Variants in PAH observed in about 807,000 individuals in gnomAD.
PAH encodes phenylalanine-4-hydroxylase.
A neutral mutation model predicts 62.0 loss-of-function variants in PAH; 64 were observed. The ratio of observed to expected loss-of-function variants is 1.03; its 90% CI spans 0.84 to 1.27. The LOEUF (loss-of-function observed/expected upper bound fraction) is 1.27. PAH is among the 50% of genes most tolerant of loss of function. The pLI, the probability that PAH is intolerant of heterozygous loss-of-function variation, is 0.00. For synonymous variants in PAH, 195 were observed against 196.2 expected (o/e 0.99, Z 0.05); for missense variants, 579 against 542.8 (o/e 1.07, Z -0.66).
intron 8 of PAH, among the ~76,000 whole-genome samples, chr12:102,849,393 A>C (rs181699224): frequency 5.3e-5 from 8 of 152,054 alleles, no homozygotes; most frequent in Admixed American, 4.6e-4. Context: ...TAGGCAATTC[A>C]ATATGCAAGT....
At chr12:102,887,081 A>T (rs1011720656) in intron 3 of PAH, among the ~76,000 whole-genome samples, 1 of 152,178 alleles carries the variant, frequency 6.6e-6, no homozygotes, top group African/African-American at 2.4e-5. Flanking sequence ...GGATATTTGT[A>T]TCAAATGCTA....
intron 1 of PAH, among the ~76,000 whole-genome samples, chr12:102,940,702 C>A (rs1189278389): frequency 6.6e-6 from 1 of 152,182 alleles, no homozygotes; most frequent in Non-Finnish European, 1.5e-5. Flanking sequence ...GAGTCACTGG[C>A]ATCCCTGAAA....
chr12:102,925,229 T>G lies in PAH; in HGVS notation c.-95-8004A>C, dbSNP rs1878654794. On this transcript the variant is annotated intron_variant, in intron 1 of 3. Transcript: ENST00000546844. ...AGGAGGCACACCCTTCTCCTTTTAT[T>G]TTCTCCTTCTTGCAGGATGGAATGC... Among the ~76,000 whole-genome samples, 3 of 152,152 alleles carry G rather than the reference T, an allele frequency of 2.0e-5. No homozygotes were observed. The South Asian group carries it at 6.2e-4, about 31-fold the overall frequency.
At chr12:102,859,903 C>T (rs1468674629) in intron 5 of PAH, among the ~76,000 whole-genome samples, 1 of 152,142 alleles carries the variant, frequency 6.6e-6, no homozygotes, top group African/African-American at 2.4e-5. Context: ...ATTCCCTTCC[C>T]TTTGAAACCT....
chr12:102,880,848 T>C (rs1487107568), intron 3 of PAH, among the ~76,000 whole-genome samples: 1 of 152,124 alleles, frequency 6.6e-6, no homozygotes, highest in African/African-American at 2.4e-5. Context: ...GTGATGGGGA[T>C]GCTCTTTTTT....
At chr12:102,872,620 A>C (rs7964941) in intron 4 of PAH, among the ~76,000 whole-genome samples, 55 of 152,362 alleles carry the variant, frequency 3.6e-4, no homozygotes, top group African/African-American at 1.3e-3. Context: ...TTGCTGAAGA[A>C]GAAATTTCCT....
At chr12:102,850,752 G>A (rs1263746530) in intron 8 of PAH, among the ~76,000 whole-genome samples, 2 of 152,114 alleles carry the variant, frequency 1.3e-5, no homozygotes, top group African/African-American at 4.8e-5. Context: ...CTGCCTCTCA[G>A]TGCCTGGAGA....
At chr12:102,873,648 G>T (rs1273608156) in intron 4 of PAH, among the ~76,000 whole-genome samples, 2 of 152,120 alleles carry the variant, frequency 1.3e-5, no homozygotes, top group East Asian at 3.9e-4. Flanking sequence ...ATGAAACCTG[G>T]CATTTATGCA....
At chr12:102,905,910 T>C (rs1170034446) in intron 2 of PAH, among the ~76,000 whole-genome samples, 1 of 151,864 alleles carries the variant, frequency 6.6e-6, no homozygotes, top group Non-Finnish European at 1.5e-5. Context: ...ATCAGAATTT[T>C]AAATTTCAGT....
rs1423648506 is a variant in PAH at position 102,912,778 on chromosome 12, T to C, written c.168+13A>G. Reference sequence around the variant, plus strand: ...ACGACATTATCCAAGACAAACATGATTGTAGCACTGACCTCAAATAAGCGC... The same window carrying C: ...ACGACATTATCCAAGACAAACATGACTGTAGCACTGACCTCAAATAAGCGC... On this transcript the variant is annotated intron_variant, in intron 2 of 12. Coordinates refer to ENST00000553106, the MANE Select transcript of PAH (RefSeq NM_000277.3). 6 of 1,548,742 alleles carry C rather than the reference T, an allele frequency of 3.9e-6. No individual in the cohort carries two copies. In the Admixed American group the frequency reaches 5.0e-5, roughly 13 times the overall value.
chr12:102,905,806 C>T (rs1682812770), intron 2 of PAH, among the ~76,000 whole-genome samples: 1 of 148,686 alleles, frequency 6.7e-6, no homozygotes, highest in Non-Finnish European at 1.5e-5. Flanking sequence ...GACTTGGCAT[C>T]AGAGTCACCA....
intron 5 of PAH, among the ~76,000 whole-genome samples, chr12:102,863,370 C>T (rs1260575877): frequency 6.6e-6 from 1 of 152,164 alleles, no homozygotes; most frequent in Non-Finnish European, 1.5e-5. Context: ...TCTAGGGACT[C>T]AACATCTGTT....
chr12:102,955,188 G>T (rs1275015259), upstream of PAH, among the ~76,000 whole-genome samples: 1 of 152,142 alleles, frequency 6.6e-6, no homozygotes, highest in African/African-American at 2.4e-5. Context: ...CCATTTCATG[G>T]TGTGTGTAGG....
intron 1 of PAH, 101 bp from the exon 2 acceptor site, chr12:102,912,999 G>C (rs190349192): frequency 1.3e-6 from 1 of 777,360 alleles, no homozygotes; most frequent in East Asian, 2.6e-5. Context: ...CTTTCTTCTA[G>C]TTAAATCTTG....
At chr12:102,926,547 A>C (rs988843871) in intron 1 of PAH, among the ~76,000 whole-genome samples, 1 of 151,854 alleles carries the variant, frequency 6.6e-6, no homozygotes, top group African/African-American at 2.4e-5. Context: ...AAGTAATTGC[A>C]GTTTTTGCCA....
chr12:102,940,747 A>T (rs1240359893), intron 1 of PAH, among the ~76,000 whole-genome samples: 2 of 152,228 alleles, frequency 1.3e-5, no homozygotes, highest in East Asian at 3.8e-4. Context: ...TGGGAAAGAT[A>T]TTTGAAAATA....
intron 3 of PAH, among the ~76,000 whole-genome samples, chr12:102,887,110 TG>T (rs1877072987): frequency 4.0e-5 from 6 of 150,738 alleles, no homozygotes; most frequent in Admixed American, 4.0e-4. Flanking sequence ...TCGAAGAGGA[TG>T]AAAAAAAGAG....
At chr12:102,881,629 A>AC (rs1876817423) in intron 3 of PAH, among the ~76,000 whole-genome samples, 2 of 151,922 alleles carry the variant, frequency 1.3e-5, no homozygotes, top group South Asian at 4.1e-4. Context: ...TCATCACCCT[A>AC]CCCCCTGGCA....
intron 2 of PAH, among the ~76,000 whole-genome samples, chr12:102,895,330 TA>T (rs1232476931): frequency 2.0e-5 from 3 of 152,170 alleles, no homozygotes; most frequent in Admixed American, 2.0e-4. Context: ...TCTGCTTGAA[TA>T]GGGGGTCAGA....
Sources: allele counts gnomAD v4.1 joint callset (sites outside exome capture counted in the v4.1 genomes callset), GRCh38; gene constraint gnomAD v4.1.1; transcripts MANE v1.5; gene names NCBI Gene and HGNC (gene_info 2026-07-23, HGNC 2026-07-21).